Variants in G3BP2 observed in about 807,000 individuals in gnomAD.
G3BP2 encodes ras GTPase-activating protein-binding protein 2.
Under a neutral mutation model 56.7 loss-of-function variants are expected in G3BP2, and 11 were observed. The observed-to-expected ratio is 0.19, with a 90% confidence interval of 0.12 to 0.32. G3BP2 has a LOEUF of 0.32. Ranked by LOEUF, G3BP2 falls within the 10% of genes least tolerant of loss-of-function variation. The probability of loss-of-function intolerance (pLI) is 1.00; values close to 1 mark genes in which losing one functional copy is unlikely to be tolerated. For synonymous variants in G3BP2, 165 were observed against 191.6 expected, an observed-to-expected ratio of 0.86 and a Z score of 1.15; for missense variants, 340 against 610.9, an observed-to-expected ratio of 0.56 and a Z score of 4.67.
chr4:75,679,195 A>G (rs199725124), intron 3 of G3BP2, among the ~76,000 whole-genome samples: 1 of 152,336 alleles, frequency 6.6e-6, no homozygotes, highest in East Asian at 1.9e-4. Context: ...ACTTTGAACA[A>G]GACTTACTGA....
rs761489238 is a variant in G3BP2, at chr4:75,646,471, A to T, written c.1058-15T>A. ...GTTTCCAAAACCTGTGAAAATATAC[A>T]TTACATCAAGGGTTAAATATTTTTA... On this transcript the variant is annotated splice_polypyrimidine_tract_variant and intron_variant, in intron 10 of 11. Coordinates refer to ENST00000359707, the MANE Select transcript of G3BP2 (RefSeq NM_203505.3). 2 of 1,339,772 alleles carry T rather than the reference A, an allele frequency of 1.5e-6. No homozygotes were observed. Among genetic ancestry groups the T allele is most frequent in the Non-Finnish European group, 2.2e-6 (2 of 929,894 alleles). 83.0% of individuals were successfully genotyped at this position (1,339,772 alleles called of 1,614,324 possible).
chr4:75,695,669 T>C (rs1719073759), intron 3 of G3BP2, among the ~76,000 whole-genome samples: 1 of 151,968 alleles, frequency 6.6e-6, no homozygotes, highest in Non-Finnish European at 1.5e-5. Flanking sequence ...CAAAGACGCA[T>C]ACACAAAAGC....
At chr4:75,721,539 T>A (rs929954350) in intron 2 of G3BP2, among the ~76,000 whole-genome samples, 1 of 152,134 alleles carries the variant, frequency 6.6e-6, no homozygotes, top group Non-Finnish European at 1.5e-5. Context: ...ATTATAGCCA[T>A]GAGCTACGTC....
intron 3 of G3BP2, among the ~76,000 whole-genome samples, chr4:75,701,575 T>C (rs1221566027): frequency 2.0e-5 from 3 of 152,096 alleles, no homozygotes; most frequent in Non-Finnish European, 2.9e-5. Flanking sequence ...ATTACAGGCA[T>C]GCACCACCAT....
chr4:75,721,311 C>CAAT (rs1720169528), intron 2 of G3BP2, among the ~76,000 whole-genome samples: 1 of 150,258 alleles, frequency 6.7e-6, no homozygotes, highest in African/African-American at 2.5e-5. Context: ...TGCAGTGGCA[C>CAAT]AATCATGGCT....
chr4:75,659,875 CTGGCA>C (rs1379170307), intron 2 of G3BP2, among the ~76,000 whole-genome samples: 2 of 152,196 alleles, frequency 1.3e-5, no homozygotes, highest in African/African-American at 2.4e-5. Flanking sequence ...TCATGTACTA[CTGGCA>C]ATGTTTTCTA....
chr4:75,698,357 G>C (rs1719208372), intron 3 of G3BP2, among the ~76,000 whole-genome samples: 1 of 152,092 alleles, frequency 6.6e-6, no homozygotes, highest in African/African-American at 2.4e-5. Context: ...CTAGAATCTG[G>C]GAAGGGCAAG....
intron 3 of G3BP2, among the ~76,000 whole-genome samples, chr4:75,680,830 T>C (rs1304837959): frequency 6.6e-6 from 1 of 151,624 alleles, no homozygotes; most frequent in Non-Finnish European, 1.5e-5. Context: ...CTGGGTGTGG[T>C]GGTGGCATGT....
At chr4:75,703,322 C>T (rs966899360) in intron 3 of G3BP2, among the ~76,000 whole-genome samples, 4 of 152,134 alleles carry the variant, frequency 2.6e-5, no homozygotes, top group African/African-American at 9.7e-5. Context: ...GACAGCACTC[C>T]AGGACCAGAC....
rs141382523 is a variant in G3BP2, at chr4:75,695,770, T to A, written c.-25+25107A>T. ...CGGGTGAATCACATGAGGTCAGGAGTTCAAGACCAACCTGGCCAACATGGT... is the reference window on the plus strand; with the variant it reads ...CGGGTGAATCACATGAGGTCAGGAGATCAAGACCAACCTGGCCAACATGGT... On this transcript the variant is annotated intron_variant, in intron 3 of 3. Transcript: ENST00000499709. Among the ~76,000 whole-genome samples the A allele has an allele frequency of 8.6e-4, 129 of 150,548 alleles. 1 individual carries two copies. Among genetic ancestry groups the A allele is most frequent in the African/African-American group, 2.9e-3 (117 of 40,970 alleles).
At chr4:75,671,290 T>C (rs1005764433) in intron 1 of G3BP2, among the ~76,000 whole-genome samples, 3 of 152,290 alleles carry the variant, frequency 2.0e-5, no homozygotes, top group Non-Finnish European at 4.4e-5. Flanking sequence ...ACTCAAAATA[T>C]GTGGAAAGTC....
chr4:75,659,958 AT>A (rs1281424890), intron 2 of G3BP2, among the ~76,000 whole-genome samples: 1 of 152,238 alleles, frequency 6.6e-6, no homozygotes, highest in African/African-American at 2.4e-5. Context: ...TGATGCATTA[AT>A]TCTTCCAGGA....
intron 3 of G3BP2, among the ~76,000 whole-genome samples, chr4:75,681,510 A>G (rs1013758645): frequency 1.3e-5 from 2 of 152,074 alleles, no homozygotes; most frequent in Admixed American, 1.3e-4. Flanking sequence ...TAAAGTTTAT[A>G]CATTAGGCAC....
At chr4:75,660,102 T>C (rs1042009018) in intron 2 of G3BP2, among the ~76,000 whole-genome samples, 5 of 152,150 alleles carry the variant, frequency 3.3e-5, no homozygotes, top group African/African-American at 1.2e-4. Flanking sequence ...ATTGGTCAAA[T>C]AAGCTAGGTC....
chr4:75,674,718 A>ATATATATATATAT (rs1241041465), upstream of G3BP2, among the ~76,000 whole-genome samples: 1 of 71,424 alleles, frequency 1.4e-5, no homozygotes, highest in African/African-American at 5.9e-5. Flanking sequence ...ATATATATAT[A>ATATATATATATAT]TTTTTTTTTT....
At position 75,657,642 on chromosome 4, in the gene G3BP2, C is replaced by T; in HGVS notation, c.266G>A (p.Gly89Glu). ...HVDAHATLSD[G>E]VVVQVMGLLS... is the part of the protein sequence containing the mutation. The stretch of plus-strand genomic sequence containing the variant: ...CAAACCCATGACCTGGACAACTACT[C>T]CATCACTCAAGGTTGCATGAGCATC... The change falls in exon 4 of 12, where the codon GGA (glycine) becomes GAA (glutamate). Residue 89 changes from glycine to glutamate, a missense_variant. By Grantham distance (98) the Gly-to-Glu change is moderately conservative (BLOSUM62 -2). This residue lies in a region of G3BP2 where 224 missense variants were observed against 332.5 expected (regional missense o/e 0.67). Transcript: ENST00000359707. 6.2e-7 allele frequency: 1 copy of T among 1,612,576 alleles called. No individual in the cohort carries two copies. Among genetic ancestry groups the T allele is most frequent in the Non-Finnish European group, 8.5e-7 (1 of 1,178,582 alleles).
At chr4:75,656,861 A>G (rs1732159200) in intron 5 of G3BP2, 63 bp downstream of exon 5, 2 of 749,080 alleles carry the variant, frequency 2.7e-6, no homozygotes, top group Admixed American at 2.5e-5. Flanking sequence ...ATACTTATAG[A>G]AATTAGTCCA....
At chr4:75,657,810 T>C in intron 3 of G3BP2, 80 bp from the exon 4 acceptor site, 1 of 875,478 alleles carries the variant, frequency 1.1e-6, no homozygotes, top group Admixed American at 2.2e-5. Flanking sequence ...CCCTCATTGA[T>C]TTCCTTACAA....
intron 1 of G3BP2, chr4:75,724,225 C>T (rs1321080380): frequency 1.3e-5 from 2 of 153,514 alleles, no homozygotes; most frequent in East Asian, 1.9e-4. Context: ...AATGCTGGTA[C>T]CAGTAAACCG....
Sources: gnomAD v4.1 joint callset for allele counts (sites outside exome capture counted in the v4.1 genomes callset) on GRCh38, gnomAD v4.1.1 for gene constraint, gnomAD v4.1.1 regional missense constraint, MANE v1.5 for transcripts, NCBI Gene and HGNC (gene_info 2026-07-23, HGNC 2026-07-21) for gene names.